The following TAF6 variants were observed in gnomAD, a reference collection of about 807,000 sequenced individuals.
TAF6 encodes transcription initiation factor TFIID subunit 6.
A neutral mutation model predicts 73.5 loss-of-function variants in TAF6; 50 were observed. That is an observed-to-expected ratio of 0.68 (90% confidence interval 0.54 to 0.86). The LOEUF is 0.86. Among genes scored for constraint, TAF6 ranks in the 40% least tolerant of loss-of-function variants. The pLI is 0.00. For synonymous variants in TAF6, 424 were observed against 376.7 expected (o/e 1.13, Z -1.45); for missense variants, 768 against 899.5 (o/e 0.85, Z 1.87).
At position 100,107,237 on chromosome 7, in the gene TAF6, GGT is replaced by G; in HGVS notation, c.*7_*8del. On this transcript the variant is annotated 3_prime_UTR_variant, in exon 15 of 15. Transcript: ENST00000453269. ...ATGTGTGGGAATCCGGGGGCTGGCAGGTGGAGCATCACGGAGCAGGCTGAGGG... is the reference window on the plus strand; with the variant it reads ...ATGTGTGGGAATCCGGGGGCTGGCAGGGAGCATCACGGAGCAGGCTGAGGG... 1 of 1,521,628 alleles carries G rather than the reference GGT, an allele frequency of 6.6e-7. No individual in the cohort carries two copies. The highest frequency in any genetic ancestry group is 8.8e-7 in the Non-Finnish European group (1 of 1,138,120). The allele number at this position is 1,521,628 out of a possible 1,614,324, so 94.3% of individuals were successfully genotyped here. A position where few individuals can be genotyped will look rare whatever the true frequency, so the allele number is the denominator to read the frequency against.
In TAF6 at chr7:100,111,154, G is replaced by C. The variant is rs761384876; in HGVS notation, c.1068C>G (p.Thr356=). The C allele has an allele frequency of 1.1e-5, 18 of 1,613,916 alleles. No homozygotes were observed. Among genetic ancestry groups the C allele is most frequent in the Non-Finnish European group, 1.5e-5 (18 of 1,179,842 alleles). The change falls in exon 10 of 15, where the codon ACC becomes ACG. Residue 356 remains threonine (T), a synonymous_variant. Transcript: ENST00000453269. ...CCTGGCTCACCTTGGTGAAGGTCTT[G>C]GTGATCCGGGACTGGATGTTGTTAG... ...TTTNNIQSRI[T]KTFTKSWVDE... is the part of the protein sequence containing the mutation.
chr7:100,121,116 A>ATTTTTTT (rs1163501525), upstream of TAF6: 4 of 52,778 alleles, frequency 7.6e-5, no homozygotes, highest in African/African-American at 2.9e-4. Context: ...ATATATATAT[A>ATTTTTTT]TTTTTTTTTT....
At chr7:100,126,736 G>C in the TAF6 span, 1 of 152,508 alleles carries the variant, frequency 6.6e-6, no homozygotes, top group Non-Finnish European at 1.5e-5. Flanking sequence ...ATGAGCCCAG[G>C]AGGTTGAGGC....
At chr7:100,119,923 G>A, upstream of TAF6, 1 of 1,479,432 alleles carries the variant, frequency 6.8e-7, no homozygotes, top group Non-Finnish European at 9.2e-7. Context: ...TTCTAGGCCG[G>A]ACATCCTAGC....
In TAF6 at chr7:100,111,292, G is replaced by C. The variant is rs1224035641; in HGVS notation, c.930C>G (p.Thr310=). Reference sequence around the variant, plus strand: ...GGCACAACTGTCTGCTCACGATGCAGGTCATCACAGCTGGAATCAGCTCAT... The same window carrying C: ...GGCACAACTGTCTGCTCACGATGCACGTCATCACAGCTGGAATCAGCTCAT... The part of the protein sequence containing the change: ...YVHELIPAVM[T]CIVSRQLCLR... Residue 310 remains threonine (T), a synonymous_variant, in exon 10 of 15, where the codon ACC becomes ACG. Coordinates refer to ENST00000453269, the MANE Select transcript of TAF6 (RefSeq NM_139315.3). 4.3e-6 allele frequency: 7 copies of C among 1,613,988 alleles called. No homozygotes were observed. Among genetic ancestry groups the C allele is most frequent in the Non-Finnish European group, 5.9e-6 (7 of 1,179,952 alleles).
chr7:100,119,913 T>C (rs1213853134), upstream of TAF6: 1 of 1,512,792 alleles, frequency 6.6e-7, no homozygotes, highest in East Asian at 2.3e-5. Flanking sequence ...CACCTCCTTC[T>C]TCTAGGCCGG....
upstream of TAF6, among the ~76,000 whole-genome samples, chr7:100,123,505 AAAT>A (rs1039250710): frequency 5.3e-5 from 8 of 152,098 alleles, no homozygotes; most frequent in South Asian, 4.1e-4. Flanking sequence ...CCTTCTCTAC[AAAT>A]AATAATAATT....
At chr7:100,109,827 T>C (rs1011597207) in intron 12 of TAF6, 121 bp downstream of exon 12, 21 of 1,443,120 alleles carry the variant, frequency 1.5e-5, no homozygotes, top group Non-Finnish European at 2.0e-5. Flanking sequence ...AGTATCAGAC[T>C]CTGCAATGTC....
chr7:100,122,988 G>T (rs1798114515), upstream of TAF6: 1 of 1,451,434 alleles, frequency 6.9e-7, no homozygotes, highest in Non-Finnish European at 9.3e-7. Flanking sequence ...GACTATAGGG[G>T]ATGTCTACCC....
chr7:100,111,375 TAA>T lies in TAF6; in HGVS notation c.901-56_901-55del. ...TCTGGTTTTGTTTGTCTGCTTGAGATAAAGTCTTGCTCTGTCACCCAGGCTGG... is the reference window on the plus strand; with the variant it reads ...TCTGGTTTTGTTTGTCTGCTTGAGATAGTCTTGCTCTGTCACCCAGGCTGG... On this transcript the variant is annotated intron_variant, in intron 9 of 14. Coordinates refer to ENST00000453269, the MANE Select transcript of TAF6 (RefSeq NM_139315.3). 4.4e-6 allele frequency: 7 copies of T among 1,581,424 alleles called. No individual in the cohort carries two copies. In the Admixed American group the frequency reaches 1.0e-4, roughly 23 times the overall value.
At position 100,110,061 on chromosome 7, in the gene TAF6, G is replaced by A; in HGVS notation, c.1171C>T (p.Leu391=). ...TCCTGCTGCAGCCGGGGCAGAATCA[G>A]AGTCTTGATAACCTGTTAGAAGGGA... ...AELGHDVIKT[L]ILPRLQQEGE... The change falls in exon 12 of 15, where the codon CTG becomes TTG. Residue 391 remains leucine (L), a synonymous_variant. Transcript: ENST00000453269. 1 of 1,614,092 alleles carries A rather than the reference G, an allele frequency of 6.2e-7. No individual in the cohort carries two copies. The highest frequency in any genetic ancestry group is 8.5e-7 in the Non-Finnish European group (1 of 1,180,028).
upstream of TAF6, chr7:100,119,662 T>C (rs4134884): frequency 3.4e-4 from 547 of 1,611,702 alleles, 1 homozygote; most frequent in African/African-American, 3.3e-3. Context: ...AGGTTGCCGC[T>C]AGCCGCCTGG....
chr7:100,110,288 G>T lies in TAF6; in HGVS notation c.1084-14C>A, dbSNP rs1485038222. The stretch of plus-strand genomic sequence containing the variant: ...GTCCACCCAGCTCTGTAAGGGGAAG[G>T]AAATAAACTAAGATGAAGGGGTCTG... On this transcript the variant is annotated splice_polypyrimidine_tract_variant and intron_variant, in intron 10 of 14. Transcript: ENST00000453269. 6.2e-7 allele frequency: 1 copy of T among 1,613,696 alleles called. No homozygotes were observed. The highest frequency in any genetic ancestry group is 8.5e-7 in the Non-Finnish European group (1 of 1,179,754).
At chr7:100,121,423 C>T (rs1798066525), upstream of TAF6, 1 of 151,440 alleles carries the variant, frequency 6.6e-6, no homozygotes, top group East Asian at 1.9e-4. Context: ...AGGCATGAGT[C>T]ACTGTGCTGG....
chr7:100,113,752 G>A lies in TAF6; in HGVS notation c.261C>T (p.His87=), dbSNP rs189686727. ...LKNVEPLYGF[H]AQEFIPFRFA... ...AGCGGAAAGGAATGAACTCCTGGGC[G>A]TGGAAGCCATAGAGTGGCTGTGGCA... is the stretch of plus-strand genomic sequence containing the variant. Residue 87 remains histidine (H), a synonymous_variant, in exon 4 of 15, where the codon CAC becomes CAT. Transcript: ENST00000453269. 46 of 1,613,990 alleles carry A rather than the reference G, an allele frequency of 2.9e-5. 1 individual carries two copies. In the Admixed American group the frequency reaches 3.2e-4, roughly 11 times the overall value.
upstream of TAF6, chr7:100,122,846 G>A (rs1477550610): frequency 1.9e-6 from 3 of 1,613,752 alleles, no homozygotes; most frequent in Non-Finnish European, 2.5e-6. Flanking sequence ...AGGTGGATCT[G>A]GGGATCCCTC....
chr7:100,112,062 C>A, intron 7 of TAF6, 46 bp downstream of exon 7: 1 of 1,613,684 alleles, frequency 6.2e-7, no homozygotes, highest in East Asian at 2.2e-5. Context: ...ATAGGGCCCC[C>A]AGGAGGAGGC....
At chr7:100,119,422 T>C (rs1029277867), upstream of TAF6, 4 of 1,205,740 alleles carry the variant, frequency 3.3e-6, no homozygotes, top group Non-Finnish European at 4.1e-6. Context: ...CGTACCAGAA[T>C]AAGTCCTCTA....
At chr7:100,122,167 C>T (rs1315398459), upstream of TAF6, 8 of 1,525,916 alleles carry the variant, frequency 5.2e-6, no homozygotes, top group East Asian at 1.6e-4. Context: ...ATAGTCTGCA[C>T]TTGTATGCTC....
Sources: gnomAD v4.1 joint callset for allele counts (sites outside exome capture counted in the v4.1 genomes callset) on GRCh38, gnomAD v4.1.1 for gene constraint, MANE v1.5 for transcripts, NCBI Gene and HGNC (gene_info 2026-07-23, HGNC 2026-07-21) for gene names.